The following BACH2 variants were observed in gnomAD, a reference collection of about 807,000 sequenced individuals.
BACH2 encodes transcription regulator protein BACH2.
BACH2 carries 5 observed loss-of-function variants against 61.8 expected under a neutral mutation model. That is an observed-to-expected ratio of 0.08 (90% CI 0.04 to 0.17). BACH2 has a LOEUF of 0.17. BACH2 is among the 10% of genes least tolerant of loss of function. The pLI is 1.00. For synonymous variants in BACH2, 446 were observed against 440.1 expected, an observed-to-expected ratio of 1.01 and a Z score of -0.17; for missense variants, 824 against 1,091.1, an observed-to-expected ratio of 0.76 and a Z score of 3.45.
At chr6:90,187,087 C>T (rs1342871302) in intron 4 of BACH2, among the ~76,000 whole-genome samples, 1 of 152,172 alleles carries the variant, frequency 6.6e-6, no homozygotes, top group African/African-American at 2.4e-5. Flanking sequence ...ATTCTGCCAA[C>T]AAAAACCTCC....
At chr6:90,131,694 A>G (rs1784086580) in intron 4 of BACH2, among the ~76,000 whole-genome samples, 1 of 152,234 alleles carries the variant, frequency 6.6e-6, no homozygotes, top group Admixed American at 6.5e-5. Context: ...GCATTATGTC[A>G]TTGTAAACAA....
intron 6 of BACH2, among the ~76,000 whole-genome samples, chr6:89,960,795 G>A (rs969397363): frequency 1.3e-5 from 2 of 152,256 alleles, no homozygotes; most frequent in Non-Finnish European, 2.9e-5. Context: ...GTTCCACAGT[G>A]GAATGGCAGT....
intron 5 of BACH2, among the ~76,000 whole-genome samples, chr6:90,034,475 C>T (rs926913735): frequency 6.6e-6 from 1 of 151,948 alleles, no homozygotes; most frequent in African/African-American, 2.4e-5. Context: ...GAGTTTTTGG[C>T]CAATTAATTA....
At chr6:90,123,353 T>C (rs1783710300) in intron 4 of BACH2, among the ~76,000 whole-genome samples, 1 of 152,208 alleles carries the variant, frequency 6.6e-6, no homozygotes, top group African/African-American at 2.4e-5. Context: ...CTGAAACACC[T>C]TGATTTTGGA....
At chr6:90,240,724 C>A (rs878957577) in intron 3 of BACH2, among the ~76,000 whole-genome samples, 1 of 152,120 alleles carries the variant, frequency 6.6e-6, no homozygotes, top group African/African-American at 2.4e-5. Context: ...TTGTGGCTTT[C>A]TTAGAGTGAA....
chr6:90,277,109 T>A (rs1051246787), intron 1 of BACH2, among the ~76,000 whole-genome samples: 5 of 152,210 alleles, frequency 3.3e-5, no homozygotes, highest in Admixed American at 6.5e-5. Context: ...CAGCCTCATC[T>A]ACAAGACATT....
intron 5 of BACH2, among the ~76,000 whole-genome samples, chr6:90,075,093 T>G (rs932572248): frequency 4.6e-5 from 7 of 152,188 alleles, no homozygotes; most frequent in Non-Finnish European, 1.0e-4. Flanking sequence ...GTCACAGGTG[T>G]AATGTTGTGG....
intron 3 of BACH2, among the ~76,000 whole-genome samples, chr6:90,231,727 A>G (rs1336096807): frequency 1.3e-5 from 2 of 152,274 alleles, no homozygotes; most frequent in Non-Finnish European, 2.9e-5. Context: ...ATTATAGCCA[A>G]TAATAAAAGA....
rs555849391 is a variant in BACH2, at chr6:90,160,957, G to A, written c.-162+45612C>T. ...ACAAAAATTAGCTGGGCGTGGTGGC[G>A]TGCGCTTGTAGTACCAGCTACTCTG... On this transcript the variant is annotated intron_variant, in intron 4 of 8. Transcript: ENST00000257749. Among the ~76,000 whole-genome samples the A allele has an allele frequency of 7.2e-5, 11 of 152,078 alleles. No homozygotes were observed. The South Asian group carries it at 1.0e-3, about 14-fold the overall frequency.
chr6:90,284,134 C>T (rs542089653), intron 1 of BACH2, among the ~76,000 whole-genome samples: 3 of 152,242 alleles, frequency 2.0e-5, no homozygotes, highest in Admixed American at 1.3e-4. Flanking sequence ...AAAGCAAAGG[C>T]TCTGGGATAA....
chr6:90,126,159 T>C (rs542057990), intron 4 of BACH2, among the ~76,000 whole-genome samples: 31 of 152,152 alleles, frequency 2.0e-4, no homozygotes, highest in Admixed American at 1.1e-3. Context: ...AGGAAGGAAT[T>C]TGAGGACAAA....
At position 89,951,887 on chromosome 6, in the gene BACH2, C is replaced by A; in HGVS notation, c.244-25G>T. The A allele has an allele frequency of 6.3e-7, 1 of 1,598,672 alleles. No individual in the cohort carries two copies. The highest frequency in any genetic ancestry group is 1.1e-5 in the South Asian group (1 of 89,002). On this transcript the variant is annotated intron_variant, in intron 6 of 8. Transcript: ENST00000257749. This position sits in a 1 kb window ranked among gnomAD's most constrained non-coding sequence, Gnocchi z 6.4. ...CCTGCAAAACAAACAGGGAAATCGC[C>A]AACATTACCATCAGCACTGCTATTG...
intron 5 of BACH2, among the ~76,000 whole-genome samples, chr6:90,072,104 A>C (rs187996572): frequency 6.6e-6 from 1 of 152,260 alleles, no homozygotes; most frequent in African/African-American, 2.4e-5. Context: ...CGCACTTCAA[A>C]CCTGTGTTGT....
intron 4 of BACH2, among the ~76,000 whole-genome samples, chr6:90,188,753 C>T (rs1341039350): frequency 7.6e-6 from 1 of 131,092 alleles, no homozygotes; most frequent in Non-Finnish European, 1.6e-5. Flanking sequence ...TCTGGTGGCC[C>T]CAAAATGAAA....
At chr6:89,959,553 T>A (rs1383108640) in intron 6 of BACH2, among the ~76,000 whole-genome samples, 1 of 152,124 alleles carries the variant, frequency 6.6e-6, no homozygotes, top group Non-Finnish European at 1.5e-5. Context: ...CCTAAAAAAA[T>A]TATTCAGAAA....
intron 4 of BACH2, among the ~76,000 whole-genome samples, chr6:90,191,515 C>A (rs1452273461): frequency 6.6e-6 from 1 of 152,196 alleles, no homozygotes; most frequent in Admixed American, 6.5e-5. Flanking sequence ...ATTTCGAATT[C>A]AATTCAACAA....
At position 89,951,994 on chromosome 6, in the gene BACH2, G is replaced by A. The variant is rs575460483; in HGVS notation, c.244-132C>T. ...AGACTGCAAAGGGGCAGTTAATCTT[G>A]TAGTACTGGGTCAGCAATGATTCTG... On this transcript the variant is annotated intron_variant, in intron 6 of 8. Transcript: ENST00000257749. This position sits in a 1 kb window ranked among gnomAD's most constrained non-coding sequence, Gnocchi z 6.4. 1 of 1,028,302 alleles carries A rather than the reference G, an allele frequency of 9.7e-7. No homozygotes were observed. The highest frequency in any genetic ancestry group is 1.7e-5 in the South Asian group (1 of 60,006). The allele number at this position is 1,028,302 out of a possible 1,614,324, so 63.7% of individuals were successfully genotyped here.
chr6:90,020,004 T>A (rs1778289752), intron 5 of BACH2, among the ~76,000 whole-genome samples: 1 of 152,256 alleles, frequency 6.6e-6, no homozygotes, highest in South Asian at 2.1e-4. Flanking sequence ...GTTTTGTTCA[T>A]CAAATGGTAT....
chr6:90,078,420 T>TA (rs543404431), intron 5 of BACH2, among the ~76,000 whole-genome samples: 6 of 151,626 alleles, frequency 4.0e-5, no homozygotes, highest in African/African-American at 7.3e-5. Flanking sequence ...AACAGCAAAA[T>TA]AAAAAAAACA....
Sources: allele counts gnomAD v4.1 joint callset (sites outside exome capture counted in the v4.1 genomes callset), GRCh38; gene constraint gnomAD v4.1.1; non-coding constraint Gnocchi (gnomAD v3.1); transcripts MANE v1.5; gene names NCBI Gene and HGNC (gene_info 2026-07-23, HGNC 2026-07-21).